Variants in CIB1 observed in about 807,000 individuals in gnomAD.
CIB1 encodes the protein calcium and integrin-binding protein 1.
A neutral mutation model predicts 25.0 loss-of-function variants in CIB1; 19 were observed. The ratio of observed to expected loss-of-function variants is 0.76; its 90% CI spans 0.53 to 1.12. The LOEUF (loss-of-function observed/expected upper bound fraction) is 1.12. Ranked by LOEUF, CIB1 falls within the 50% of genes most tolerant of loss-of-function variation. The probability of loss-of-function intolerance (pLI) is 0.00; values close to 1 mark genes in which losing one functional copy is unlikely to be tolerated. For missense variants in CIB1, 236 were observed against 242.6 expected, an observed-to-expected ratio of 0.97 and a Z score of 0.18; for synonymous variants, 104 against 98.5, an observed-to-expected ratio of 1.06 and a Z score of -0.33.
chr15:90,249,501 C>T, the CIB1 span: 1 of 151,538 alleles, frequency 6.6e-6, no homozygotes, highest in African/African-American at 2.4e-5. Context: ...CAGGACGCTT[C>T]TCCAATGGGA....
chr15:90,240,975 A>G, the CIB1 span: 1,614,010 of 1,614,076 alleles, frequency 1, 806,973 homozygotes, highest in Middle Eastern at 1. Context: ...GGACTGGGGC[A>G]GGCAAACCAT....
chr15:90,242,000 G>A, the CIB1 span: 5 of 1,614,140 alleles, frequency 3.1e-6, no homozygotes, highest in Non-Finnish European at 4.2e-6. Flanking sequence ...ACTGTCGGCT[G>A]CCCCCATCCC....
chr15:90,230,406 C>T lies in CIB1; in HGVS notation c.*78G>A, dbSNP rs1212074388. ...GGGCCAGCTTGGCCCGCACTGGCAACACAGGCTTGACCTTGGCCACAGCTC... is the reference window on the plus strand; with the variant it reads ...GGGCCAGCTTGGCCCGCACTGGCAATACAGGCTTGACCTTGGCCACAGCTC... On this transcript the variant is annotated 3_prime_UTR_variant, in exon 7 of 7. Transcript: ENST00000328649. 8 of 1,529,334 alleles carry T rather than the reference C, an allele frequency of 5.2e-6. No homozygotes were observed. The highest frequency in any genetic ancestry group is 6.2e-6 in the Non-Finnish European group (7 of 1,128,272). The allele number at this position is 1,529,334 out of a possible 1,614,324, so 94.7% of individuals were successfully genotyped here.
chr15:90,253,237 CTG>C, the CIB1 span: 1,968 of 1,607,966 alleles, frequency 1.2e-3, 22 homozygotes, highest in African/African-American at 0.022. Context: ...ACTGATCTCC[CTG>C]TCTCTGCAGT....
the CIB1 span, chr15:90,261,999 T>C: frequency 6.5e-7 from 1 of 1,528,784 alleles, no homozygotes; most frequent in East Asian, 2.5e-5. Flanking sequence ...GAGCTTGCTT[T>C]CCACAGGAAA....
chr15:90,264,358 C>G, the CIB1 span, among the ~76,000 whole-genome samples: 5 of 152,152 alleles, frequency 3.3e-5, no homozygotes, highest in Non-Finnish European at 7.4e-5. Context: ...GCTCGGCTAA[C>G]TTTTGTATAT....
At chr15:90,251,704 C>A in the CIB1 span, 2 of 1,253,156 alleles carry the variant, frequency 1.6e-6, no homozygotes, top group Non-Finnish European at 2.3e-6. Context: ...TGGGGCCTGG[C>A]GGGCTTGCCT....
At chr15:90,260,605 C>G in the CIB1 span, among the ~76,000 whole-genome samples, 4 of 152,052 alleles carry the variant, frequency 2.6e-5, no homozygotes, top group African/African-American at 9.7e-5. Context: ...GTAATCTCAG[C>G]CCTTTGGGAG....
chr15:90,262,814 G>A, the CIB1 span: 1 of 1,223,386 alleles, frequency 8.2e-7, no homozygotes, highest in Admixed American at 2.9e-5. Context: ...CGATCCTTTG[G>A]AAGATGAAGT....
chr15:90,241,264 T>C, the CIB1 span: 148 of 1,614,026 alleles, frequency 9.2e-5, 1 homozygote, highest in Non-Finnish European at 1.1e-4. Context: ...AGGCAGGCAT[T>C]TGACCCTGTA....
At chr15:90,262,119 C>T in the CIB1 span, 1 of 1,535,944 alleles carries the variant, frequency 6.5e-7, no homozygotes, top group Admixed American at 2.0e-5. Context: ...GAGAAGTATG[C>T]CCGCTTCTTC....
At chr15:90,245,468 G>C in the CIB1 span, 2 of 85,410 alleles carry the variant, frequency 2.3e-5, no homozygotes, top group African/African-American at 1.2e-4. Flanking sequence ...GAGAGACTTT[G>C]TCTCAAAAAA....
At chr15:90,233,578 G>A in intron 2 of CIB1, 91 bp downstream of exon 2, 1 of 1,487,944 alleles carries the variant, frequency 6.7e-7, no homozygotes, top group Non-Finnish European at 9.2e-7. Flanking sequence ...GCAGACCTCA[G>A]GCCAGCCCCC....
At chr15:90,238,031 G>A (rs1051599681), upstream of CIB1, among the ~76,000 whole-genome samples, 7 of 152,238 alleles carry the variant, frequency 4.6e-5, no homozygotes, top group East Asian at 3.8e-4. Flanking sequence ...CAGGTGCGGT[G>A]GCTCACGCCT....
At chr15:90,233,538 G>T in intron 2 of CIB1, 131 bp downstream of exon 2, 1 of 1,190,402 alleles carries the variant, frequency 8.4e-7, no homozygotes, top group Non-Finnish European at 1.2e-6. Context: ...GCCCGGGCTA[G>T]GTCTCCCGGC....
At chr15:90,232,154 G>C in intron 3 of CIB1, 65 bp downstream of exon 3, 9 of 1,266,448 alleles carry the variant, frequency 7.1e-6, no homozygotes, top group African/African-American at 1.5e-5. Context: ...AGTGGCAGAT[G>C]GAGTTAGGGG....
the CIB1 span, chr15:90,256,226 ATCT>A: frequency 4.3e-6 from 7 of 1,614,214 alleles, no homozygotes; most frequent in South Asian, 7.7e-5. Context: ...GGGACGTGGC[ATCT>A]TCATTACCCG....
At chr15:90,233,509 G>T (rs192356877) in intron 2 of CIB1, among the ~76,000 whole-genome samples, 160 bp downstream of exon 2, 4 of 152,358 alleles carry the variant, frequency 2.6e-5, no homozygotes, top group Admixed American at 2.6e-4. Context: ...CGGGGAGGGC[G>T]TGCCGGGAGG....
In CIB1 at chr15:90,233,878, C is replaced by T. The variant is rs769387722; in HGVS notation, c.8G>A (p.Gly3Asp). 11 of 1,473,650 alleles carry T rather than the reference C, an allele frequency of 7.5e-6. No homozygotes were observed. Among genetic ancestry groups the T allele is most frequent in the Middle Eastern group, 2.5e-4 (1 of 4,068 alleles). 91.3% of individuals were successfully genotyped at this position (1,473,650 alleles called of 1,614,324 possible). A position where few individuals can be genotyped will look rare whatever the true frequency, so the allele number is the denominator to read the frequency against. The change falls in exon 1 of 7, where the codon GGC becomes GAC. Residue 3 changes from glycine to aspartate, a missense_variant. Transcript: ENST00000328649. ...CTCCTTGGACAGGCGACTGCCCGAG[C>T]CCCCCATCGCCCCGCCGCGCGCACA... MGGSGSRLSKELL... is the reference protein window; with the variant it reads MGDSGSRLSKELL...
Sources: gnomAD v4.1 joint callset for allele counts (sites outside exome capture counted in the v4.1 genomes callset) on GRCh38, gnomAD v4.1.1 for gene constraint, MANE v1.5 for transcripts, NCBI Gene and HGNC (gene_info 2026-07-23, HGNC 2026-07-21) for gene names.